The following ZNF497 variants were observed in gnomAD, a reference collection of about 807,000 sequenced individuals.
ZNF497 encodes the protein zinc finger protein 497.
For missense variants in ZNF497, 930 were observed against 714.0 expected, an observed-to-expected ratio of 1.30 and a Z score of -3.45; for synonymous variants, 422 against 313.7, an observed-to-expected ratio of 1.35 and a Z score of -3.65.
rs368069186 is a variant in ZNF497, at chr19:58,357,548, A to C, written c.88T>G (p.Ser30Ala). Reference protein sequence around the residue: ...CNVKTATRGLSEGAVSGGWGA... With the variant: ...CNVKTATRGLAEGAVSGGWGA... Reference sequence around the variant, plus strand: ...CAGCCTCCAGACACAGCCCCCTCAGAGAGGCCCCTCGTGGCAGTCTTCACA... The same window carrying C: ...CAGCCTCCAGACACAGCCCCCTCAGCGAGGCCCCTCGTGGCAGTCTTCACA... Residue 30 changes from serine (S) to alanine (A), a missense_variant, in exon 3 of 3, where the codon TCT becomes GCT. Physicochemically the swap from Ser to Ala is moderately conservative, Grantham distance 99. Transcript: ENST00000311044. 4.4e-6 allele frequency: 7 copies of C among 1,605,348 alleles called. No individual in the cohort carries two copies. The highest frequency in any genetic ancestry group is 6.0e-6 in the Non-Finnish European group (7 of 1,176,404).
Position 58,357,015 on chromosome 19 carries a change from C to T in ZNF497, c.621G>A (p.Gln207=). The change falls in exon 3 of 3, where the codon CAG becomes CAA. Residue 207 remains glutamine, a synonymous_variant. Transcript: ENST00000311044. ...TCTCGCCCGTGTGCGTGCGTCGGTG[C>T]TGCACCAGCGTGGTGCTTCGGCCGA... ...KSFGRSTTLV[Q]HRRTHTGEKP... The T allele has an allele frequency of 6.2e-7, 1 of 1,609,948 alleles. No homozygotes were observed. The highest frequency in any genetic ancestry group is 8.5e-7 in the Non-Finnish European group (1 of 1,179,142).
Position 58,356,887 on chromosome 19 carries a change from T to C in ZNF497, c.749A>G (p.Asp250Gly). ...GCTCTGGCTGAAGGCCTTGCCACAG[T>C]CCCGGCAGGCGTGCGGCCGCGCGCC... ...HTGARPHACR[D>G]CGKAFSQSSN... Residue 250 changes from aspartate (D) to glycine (G), a missense_variant, in exon 3 of 3, where the codon GAC becomes GGC. By Grantham distance (94) the Asp-to-Gly change is moderately conservative. Coordinates refer to ENST00000311044, the MANE Select transcript of ZNF497 (RefSeq NM_198458.3). The C allele has an allele frequency of 6.3e-7, 1 of 1,594,050 alleles. No homozygotes were observed. Among genetic ancestry groups the C allele is most frequent in the Middle Eastern group, 1.7e-4 (1 of 6,042 alleles).
Position 58,356,365 on chromosome 19 carries a change from C to T in ZNF497, c.1271G>A (p.Arg424His), listed in dbSNP as rs533875682. 3.2e-6 allele frequency: 5 copies of T among 1,565,794 alleles called. No individual in the cohort carries two copies. The highest frequency in any genetic ancestry group is 2.3e-5 in the East Asian group (1 of 42,632). Residue 424 changes from arginine to histidine, a missense_variant, in exon 3 of 3, where the codon CGC becomes CAC. Physicochemically the swap from Arg to His is conservative, Grantham distance 29. Coordinates refer to ENST00000311044, the MANE Select transcript of ZNF497 (RefSeq NM_198458.3). The stretch of plus-strand genomic sequence containing the variant: ...GTGCTGGCGCAGCTCGGAGCTGCCG[C>T]GGAAGGCCTTGCCGCATTCTGCGCA... ...FACAECGKAF[R>H]GSSELRQHQR... is the part of the protein sequence containing the mutation.
chr19:58,360,984 G>A (rs903687378), intron 1 of ZNF497, among the ~76,000 whole-genome samples: 5 of 151,708 alleles, frequency 3.3e-5, no homozygotes, highest in Admixed American at 6.6e-5. Flanking sequence ...GGGTTTCACC[G>A]TGTTAGCCAG....
At chr19:58,362,026 C>T (rs890113377) in intron 1 of ZNF497, among the ~76,000 whole-genome samples, 2 of 152,320 alleles carry the variant, frequency 1.3e-5, no homozygotes, top group East Asian at 3.9e-4. Context: ...GCCTCCCCGA[C>T]GTCCTCACGT....
chr19:58,357,283 C>T lies in ZNF497; in HGVS notation c.353G>A (p.Gly118Asp). 1 of 1,612,126 alleles carries T rather than the reference C, an allele frequency of 6.2e-7. No individual in the cohort carries two copies. Among genetic ancestry groups the T allele is most frequent in the Non-Finnish European group, 8.5e-7 (1 of 1,179,506 alleles). Residue 118 changes from glycine (G) to aspartate (D), a missense_variant, in exon 3 of 3, where the codon GGC becomes GAC. Gly to Asp is a moderately conservative substitution (Grantham distance 94, BLOSUM62 -1). Coordinates refer to ENST00000311044, the MANE Select transcript of ZNF497 (RefSeq NM_198458.3). ...CGECGKAFSQ[G>D]SYLLQHRRVH... ...GCGCCGATGCTGCAGCAAGTAAGAG[C>T]CCTGGCTGAACGCCTTGCCGCACTC...
Position 58,356,529 on chromosome 19 carries a change from C to T in ZNF497, c.1107G>A (p.Gln369=). The T allele has an allele frequency of 6.5e-7, 1 of 1,546,880 alleles. No homozygotes were observed. The highest frequency in any genetic ancestry group is 8.7e-7 in the Non-Finnish European group (1 of 1,151,846). The change falls in exon 3 of 3, where the codon CAG becomes CAA. Residue 369 remains glutamine, a synonymous_variant. Transcript: ENST00000311044. ...GCCGGTGGCTCAGTAGGTTGGAGCG[C>T]TGGCTGAAGGCCTTGCCGCACTGGG... ...ACAQCGKAFS[Q]RSNLLSHRRT...
rs1599910992 is a variant in ZNF497 at position 58,356,947 on chromosome 19, T to C, written c.689A>G (p.Asn230Ser). 1 of 1,548,842 alleles carries C rather than the reference T, an allele frequency of 6.5e-7. No homozygotes were observed. The highest frequency in any genetic ancestry group is 2.4e-5 in the East Asian group (1 of 40,990). ...GCGCCGGTGCTCCAGGAAATTGGAG[T>C]TCCAGCTGAAGGCCTTGCCGCACTC... ...CPECGKAFSW[N>S]SNFLEHRRVH... Residue 230 changes from asparagine (N) to serine (S), a missense_variant, in exon 3 of 3, where the codon AAC (asparagine) becomes AGC (serine). Coordinates refer to ENST00000311044, the MANE Select transcript of ZNF497 (RefSeq NM_198458.3).
intron 1 of ZNF497, among the ~76,000 whole-genome samples, chr19:58,359,896 C>T (rs1321515930): frequency 5.9e-5 from 9 of 151,674 alleles, no homozygotes; most frequent in Admixed American, 1.3e-4. Context: ...TGCTTGAACC[C>T]GGGAGGTGGA....
Position 58,356,952 on chromosome 19 carries a change from G to C in ZNF497, c.684C>G (p.Ser228Arg), listed in dbSNP as rs61732981. ...YECPECGKAF[S>R]WNSNFLEHRR... is the part of the protein sequence containing the mutation. ...GGTGCTCCAGGAAATTGGAGTTCCA[G>C]CTGAAGGCCTTGCCGCACTCCGGGC... Residue 228 changes from serine to arginine, a missense_variant, in exon 3 of 3, where the codon AGC becomes AGG. Physicochemically the swap from Ser to Arg is moderately radical, Grantham distance 110. Coordinates refer to ENST00000311044, the MANE Select transcript of ZNF497 (RefSeq NM_198458.3). 44 of 1,604,404 alleles carry C rather than the reference G, an allele frequency of 2.7e-5. No homozygotes were observed. The African/African-American group carries it at 5.6e-4, about 20-fold the overall frequency.
chr19:58,357,889 C>A, intron 2 of ZNF497: 1 of 1,370,610 alleles, frequency 7.3e-7, no homozygotes, highest in Non-Finnish European at 9.4e-7. Flanking sequence ...CCACACCCGG[C>A]CCGGCCCAGC....
At chr19:58,359,940 C>G (rs1182081931) in intron 1 of ZNF497, among the ~76,000 whole-genome samples, 1 of 149,830 alleles carries the variant, frequency 6.7e-6, no homozygotes, top group Non-Finnish European at 1.5e-5. Context: ...CCACTGCACT[C>G]CAGCCTGGGT....
In ZNF497 at chr19:58,356,510, G is replaced by A. The variant is rs374628151; in HGVS notation, c.1126C>T (p.His376Tyr). The change falls in exon 3 of 3, where the codon CAC (histidine) becomes TAC (tyrosine). Residue 376 changes from histidine (H) to tyrosine (Y), a missense_variant. By Grantham distance (83) the His-to-Tyr change is moderately conservative (BLOSUM62 2). Coordinates refer to ENST00000311044, the MANE Select transcript of ZNF497 (RefSeq NM_198458.3). ...TTGGCGCCCGAGTGCGTGCGCCGGTGGCTCAGTAGGTTGGAGCGCTGGCTG... is the reference window on the plus strand; with the variant it reads ...TTGGCGCCCGAGTGCGTGCGCCGGTAGCTCAGTAGGTTGGAGCGCTGGCTG... Reference protein sequence around the residue: ...AFSQRSNLLSHRRTHSGAKPF... With the variant: ...AFSQRSNLLSYRRTHSGAKPF... 1,087 of 1,550,042 alleles carry A rather than the reference G, an allele frequency of 7.0e-4. 1 individual carries two copies. The highest frequency in any genetic ancestry group is 8.7e-4 in the Non-Finnish European group (999 of 1,153,218).
rs759255818 is a variant in ZNF497, at chr19:58,356,446, C to G, written c.1190G>C (p.Gly397Ala). Residue 397 changes from glycine to alanine, a missense_variant, in exon 3 of 3, where the codon GGC (glycine) becomes GCC (alanine). Transcript: ENST00000311044. ...CCGGTGGTGCGCCAGGCCGGAACTG[C>G]CGCGGAAGGCCTTGCCGCAGTCGGC... ...ACADCGKAFR[G>A]SSGLAHHRLS... is the part of the protein sequence containing the mutation. The G allele has an allele frequency of 6.4e-7, 1 of 1,556,582 alleles. No individual in the cohort carries two copies. The highest frequency in any genetic ancestry group is 1.2e-5 in the South Asian group (1 of 85,540).
chr19:58,357,978 T>G (rs1236344479), intron 2 of ZNF497: 1 of 1,279,552 alleles, frequency 7.8e-7, no homozygotes, highest in Admixed American at 3.4e-5. Context: ...GTGGCACCAC[T>G]CTCCTCTCCT....
intron 1 of ZNF497, among the ~76,000 whole-genome samples, chr19:58,359,978 A>G (rs946377511): frequency 2.0e-5 from 3 of 152,190 alleles, no homozygotes; most frequent in African/African-American, 7.2e-5. Flanking sequence ...TCTCAAAAAA[A>G]AAAAAAAGAG....
rs767687588 is a variant in ZNF497 at position 58,357,613 on chromosome 19, G to A, written c.23C>T (p.Thr8Ile). 1 of 1,543,498 alleles carries A rather than the reference G, an allele frequency of 6.5e-7. No homozygotes were observed. Among genetic ancestry groups the A allele is most frequent in the Admixed American group, 2.1e-5 (1 of 47,006 alleles). ...GCCTTCCTCTGGGGCCACCTGCAGG[G>A]TCCACCCTCTTGGGGACTCCATCTC... MESPRGW[T>I]LQVAPEEGQV... Residue 8 changes from threonine (T) to isoleucine (I), a missense_variant, in exon 3 of 3, where the codon ACC becomes ATC. By Grantham distance (89) the Thr-to-Ile change is moderately conservative. Coordinates refer to ENST00000311044, the MANE Select transcript of ZNF497 (RefSeq NM_198458.3).
At position 58,357,002 on chromosome 19, in the gene ZNF497, G is replaced by T; in HGVS notation, c.634C>A (p.His212Asn). The change falls in exon 3 of 3, where the codon CAC becomes AAC. Residue 212 changes from histidine (H) to asparagine (N), a missense_variant. Transcript: ENST00000311044. ...STTLVQHRRTHTGEKPYECPE... is the reference protein window; with the variant it reads ...STTLVQHRRTNTGEKPYECPE... Reference sequence around the variant, plus strand: ...CACTCGTAGGGCTTCTCGCCCGTGTGCGTGCGTCGGTGCTGCACCAGCGTG... The same window carrying T: ...CACTCGTAGGGCTTCTCGCCCGTGTTCGTGCGTCGGTGCTGCACCAGCGTG... 6.2e-7 allele frequency: 1 copy of T among 1,610,232 alleles called. No homozygotes were observed.
At chr19:58,360,767 C>CTT (rs551580074) in intron 1 of ZNF497, among the ~76,000 whole-genome samples, 1,251 of 34,570 alleles carry the variant, frequency 0.036, 396 homozygotes, top group Non-Finnish European at 0.044. Context: ...GTCCCGAACT[C>CTT]TTTTTTTTTT....
Sources: gnomAD v4.1 joint callset for allele counts (sites outside exome capture counted in the v4.1 genomes callset) on GRCh38, gnomAD v4.1.1 for gene constraint, MANE v1.5 for transcripts, NCBI Gene and HGNC (gene_info 2026-07-23, HGNC 2026-07-21) for gene names.